The following NWD2 variants were observed in gnomAD, a reference collection of about 807,000 sequenced individuals.
NWD2 encodes the protein NACHT and WD repeat domain containing 2.
NWD2 carries 37 observed loss-of-function variants against 132.7 expected under a neutral mutation model. The ratio of observed to expected loss-of-function variants is 0.28; its 90% CI spans 0.21 to 0.37. The LOEUF is 0.37. Ranked by LOEUF, NWD2 falls within the 10% of genes least tolerant of loss-of-function variation. The pLI, the probability that NWD2 is intolerant of heterozygous loss-of-function variation, is 1.00. For synonymous variants in NWD2, 705 were observed against 803.0 expected (o/e 0.88, Z 2.06); for missense variants, 1,592 against 2,122.4 (o/e 0.75, Z 4.91).
chr4:37,444,259 C>T lies in NWD2; in HGVS notation c.2271C>T (p.Thr757=). ...ACAATGACCTGCGTGAAATGCACAC[C>T]ATCTTAGCAGATTATTTTCTGGGGG... ...QDDNDLREMH[T]ILADYFLGVW... Residue 757 remains threonine, a synonymous_variant, in exon 7 of 7, where the codon ACC becomes ACT. Coordinates refer to ENST00000309447, the MANE Select transcript of NWD2 (RefSeq NM_001144990.2). The surrounding 1 kb of genome is among the most constrained non-coding windows in gnomAD (Gnocchi z 4.8). The T allele has an allele frequency of 1.3e-6, 2 of 1,551,646 alleles. No individual in the cohort carries two copies. The highest frequency in any genetic ancestry group is 1.7e-6 in the Non-Finnish European group (2 of 1,146,976).
chr4:37,292,438 A>T (rs1426435468), intron 1 of NWD2, among the ~76,000 whole-genome samples: 4 of 152,146 alleles, frequency 2.6e-5, no homozygotes. Context: ...GAGTGACCTC[A>T]TCAGATACCA....
At chr4:37,342,032 C>A (rs796348676) in intron 2 of NWD2, among the ~76,000 whole-genome samples, 26 of 152,234 alleles carry the variant, frequency 1.7e-4, no homozygotes, top group African/African-American at 6.0e-4. Flanking sequence ...AGGAATAGAA[C>A]CAACTCTGGG....
chr4:37,423,649 C>T (rs1711894839), intron 3 of NWD2, among the ~76,000 whole-genome samples: 3 of 152,184 alleles, frequency 2.0e-5, no homozygotes, highest in African/African-American at 7.2e-5. Context: ...TTGCATGGTG[C>T]ATACCCAGTT....
At chr4:37,301,370 A>G (rs13115793) in intron 1 of NWD2, among the ~76,000 whole-genome samples, 72,235 of 151,864 alleles carry the variant, frequency 0.48, 17,374 homozygotes, top group Middle Eastern at 0.59. Flanking sequence ...ATCTTTCAAC[A>G]AATCTGGGAA....
At chr4:37,425,100 A>G (rs6837346) in intron 3 of NWD2, among the ~76,000 whole-genome samples, 7,851 of 152,244 alleles carry the variant, frequency 0.052, 503 homozygotes, top group African/African-American at 0.16. Context: ...GTCTTTTTAC[A>G]TTTAAGTTCC....
chr4:37,307,823 C>T (rs928130135), intron 1 of NWD2, among the ~76,000 whole-genome samples: 1 of 151,900 alleles, frequency 6.6e-6, no homozygotes, highest in African/African-American at 2.4e-5. Flanking sequence ...TTCTTTTTGT[C>T]TGACTGGATT....
intron 2 of NWD2, among the ~76,000 whole-genome samples, chr4:37,355,379 A>G (rs1357340092): frequency 2.0e-5 from 3 of 152,224 alleles, no homozygotes; most frequent in African/African-American, 7.2e-5. Flanking sequence ...GCACTTAGAC[A>G]AAGACCTGGA....
intron 1 of NWD2, among the ~76,000 whole-genome samples, chr4:37,310,727 C>T (rs2109280662): frequency 6.6e-6 from 1 of 150,590 alleles, no homozygotes; most frequent in African/African-American, 2.4e-5. Context: ...TGGTGTGCTG[C>T]ACCCATTAAC....
intron 1 of NWD2, among the ~76,000 whole-genome samples, chr4:37,270,622 C>G (rs1717851041): frequency 1.3e-5 from 2 of 151,574 alleles, no homozygotes; most frequent in Non-Finnish European, 3.0e-5. Context: ...GGTCATTTGT[C>G]TTTTTTTATT....
intron 2 of NWD2, among the ~76,000 whole-genome samples, chr4:37,343,291 T>C (rs1274863217): frequency 6.6e-6 from 1 of 152,236 alleles, no homozygotes; most frequent in Non-Finnish European, 1.5e-5. Flanking sequence ...TAGAAAGCTA[T>C]GTCCTTAGTA....
At chr4:37,275,387 T>C (rs1159380081) in intron 1 of NWD2, among the ~76,000 whole-genome samples, 1 of 152,044 alleles carries the variant, frequency 6.6e-6, no homozygotes, top group Admixed American at 6.6e-5. Flanking sequence ...AAGGACCTCT[T>C]CAAGGAGAAC....
intron 3 of NWD2, among the ~76,000 whole-genome samples, chr4:37,404,862 C>T (rs1253895931): frequency 6.6e-6 from 1 of 152,114 alleles, no homozygotes; most frequent in Non-Finnish European, 1.5e-5. Context: ...TATAAACAAC[C>T]AGATCTGGTG....
chr4:37,445,073 A>G lies in NWD2; in HGVS notation c.3085A>G (p.Thr1029Ala). 1 of 1,551,796 alleles carries G rather than the reference A, an allele frequency of 6.4e-7. No individual in the cohort carries two copies. Among genetic ancestry groups the G allele is most frequent in the Non-Finnish European group, 8.7e-7 (1 of 1,147,034 alleles). Residue 1029 changes from threonine to alanine, a missense_variant, in exon 7 of 7, where the codon ACA becomes GCA. Around this residue, in one of 7 missense-constraint regions of NWD2, gnomAD observed 1,071 missense variants for 1,398.0 expected, o/e 0.77. Coordinates refer to ENST00000309447, the MANE Select transcript of NWD2 (RefSeq NM_001144990.2). This position sits in a 1 kb window ranked among gnomAD's most constrained non-coding sequence, Gnocchi z 4.7. ...SDEKYLVVAT[T>A]NNTLLIYDNV... is the part of the protein sequence containing the mutation. The stretch of plus-strand genomic sequence containing the variant: ...TGAAAAGTACCTTGTGGTGGCTACA[A>G]CAAATAACACCTTGTTGATTTATGA...
At chr4:37,323,413 T>C (rs1438332526) in intron 1 of NWD2, among the ~76,000 whole-genome samples, 2 of 152,122 alleles carry the variant, frequency 1.3e-5, no homozygotes, top group Non-Finnish European at 2.9e-5. Context: ...AAAGAAGACA[T>C]GCAAGTGGCC....
At chr4:37,335,067 T>C (rs1719372767) in intron 2 of NWD2, among the ~76,000 whole-genome samples, 1 of 152,136 alleles carries the variant, frequency 6.6e-6, no homozygotes, top group Non-Finnish European at 1.5e-5. Context: ...ACAATGTTGC[T>C]ACGGTGGTAT....
chr4:37,443,087 G>T lies in NWD2; in HGVS notation c.1297-198G>T, dbSNP rs1577704205. Among the ~76,000 whole-genome samples, 1 of 152,080 alleles carries T rather than the reference G, an allele frequency of 6.6e-6. No individual in the cohort carries two copies. The highest frequency in any genetic ancestry group is 1.5e-5 in the Non-Finnish European group (1 of 68,024). On this transcript the variant is annotated intron_variant, in intron 6 of 6. Transcript: ENST00000309447. This position sits in a 1 kb window ranked among gnomAD's most constrained non-coding sequence, Gnocchi z 4.1. ...ACACTCAGTAGGGGTAATCCTGAGG[G>T]TCTCACCTGTAGATTTTGGTACACA...
At chr4:37,383,816 G>A (rs748610246) in intron 3 of NWD2, among the ~76,000 whole-genome samples, 1 of 151,974 alleles carries the variant, frequency 6.6e-6, no homozygotes, top group Non-Finnish European at 1.5e-5. Context: ...GGGTTTTTGC[G>A]CCCTCTAGAG....
At position 37,245,057 on chromosome 4, in the gene NWD2, C is replaced by T; in HGVS notation, c.-11C>T. The T allele has an allele frequency of 6.5e-7, 1 of 1,544,224 alleles. No individual in the cohort carries two copies. Among genetic ancestry groups the T allele is most frequent in the Non-Finnish European group, 8.7e-7 (1 of 1,146,344 alleles). ...GGCGGCGGCGGCAGTGGCTGTTCCT[C>T]CCAGAGGGCGATGTGGCCGGCCGGC... On this transcript the variant is annotated 5_prime_UTR_variant, in exon 1 of 7. Coordinates refer to ENST00000309447, the MANE Select transcript of NWD2 (RefSeq NM_001144990.2).
chr4:37,368,878 C>A (rs144786794), intron 3 of NWD2, among the ~76,000 whole-genome samples: 1 of 152,256 alleles, frequency 6.6e-6, no homozygotes, highest in East Asian at 1.9e-4. Context: ...TAACTAAAGG[C>A]AGTGAGTTCA....
Sources: gnomAD v4.1 joint callset for allele counts (sites outside exome capture counted in the v4.1 genomes callset) on GRCh38, gnomAD v4.1.1 for gene constraint, gnomAD v4.1.1 regional missense constraint, Gnocchi (gnomAD v3.1) non-coding constraint, MANE v1.5 for transcripts, NCBI Gene and HGNC (gene_info 2026-07-23, HGNC 2026-07-21) for gene names.